The following NOP14 variants were observed in gnomAD, a reference collection of about 807,000 sequenced individuals.
NOP14 encodes NOP14 nucleolar protein, also known as nucleolar protein 14.
A neutral mutation model predicts 101.6 loss-of-function variants in NOP14; 57 were observed. That is an observed-to-expected ratio of 0.56 (90% CI 0.45 to 0.70). The LOEUF is 0.70. Ranked by LOEUF, NOP14 falls within the 30% of genes least tolerant of loss-of-function variation. The pLI is 0.00. For synonymous variants in NOP14, 428 were observed against 424.0 expected (o/e 1.01, Z -0.12); for missense variants, 1,134 against 1,075.5 (o/e 1.05, Z -0.76).
chr4:2,953,473 C>G, intron 5 of NOP14, 38 bp downstream of exon 5: 2 of 1,610,346 alleles, frequency 1.2e-6, no homozygotes, highest in Non-Finnish European at 1.7e-6. Context: ...CACCCAAGCT[C>G]AGTGAGTGAA....
At chr4:2,939,844 G>T (rs770019789) in intron 15 of NOP14, among the ~76,000 whole-genome samples, 199 bp from the exon 16 acceptor site, 16 of 152,190 alleles carry the variant, frequency 1.1e-4, no homozygotes, top group Non-Finnish European at 1.6e-4. Flanking sequence ...TGGCACAGCC[G>T]GAACGAAGTA....
intron 1 of NOP14, among the ~76,000 whole-genome samples, chr4:2,961,066 T>C (rs1374669634): frequency 8.5e-6 from 1 of 117,324 alleles, no homozygotes; most frequent in Non-Finnish European, 1.6e-5. Context: ...ATCAATATTA[T>C]ATTAATACTA....
chr4:2,960,797 T>TA, intron 1 of NOP14, among the ~76,000 whole-genome samples: 1 of 131,680 alleles, frequency 7.6e-6, no homozygotes, highest in African/African-American at 3.1e-5. Flanking sequence ...CACATTAATA[T>TA]TAATATATTA....
rs1286284244 is a variant in NOP14 at position 2,959,473 on chromosome 4, G to A, written c.196-1733C>T. Among the ~76,000 whole-genome samples the A allele has an allele frequency of 3.9e-5, 6 of 152,052 alleles. No homozygotes were observed. In the East Asian group the frequency reaches 5.8e-4, roughly 15 times the overall value. ...CCGGGTGTGGTGGCGGGCGCCTGTA[G>A]TCCCAGCTACTCAGGAGGCTGAGGC... On this transcript the variant is annotated intron_variant, in intron 1 of 17. Coordinates refer to ENST00000416614, the MANE Select transcript of NOP14 (RefSeq NM_001291978.2).
chr4:2,960,242 G>A (rs1206331560), intron 1 of NOP14, among the ~76,000 whole-genome samples: 4 of 152,010 alleles, frequency 2.6e-5, no homozygotes, highest in Non-Finnish European at 1.5e-5. Context: ...AAAGTGCTAG[G>A]ATCACAGGTG....
rs750896393 is a variant in NOP14 at position 2,949,945 on chromosome 4, T to C, written c.1271A>G (p.Tyr424Cys). ...AGKATRDELP[Y>C]TFAAPESYEE... The stretch of plus-strand genomic sequence containing the variant: ...GCGCACTTGCCCACCTGCGAACGTG[T>C]AGGGCAGCTCGTCTCTGGTAGCTTT... Residue 424 changes from tyrosine to cysteine, a missense_variant, in exon 8 of 18, where the codon TAC (tyrosine) becomes TGC (cysteine). Coordinates refer to ENST00000416614, the MANE Select transcript of NOP14 (RefSeq NM_001291978.2). 4 of 1,614,088 alleles carry C rather than the reference T, an allele frequency of 2.5e-6. No homozygotes were observed. The highest frequency in any genetic ancestry group is 3.4e-6 in the Non-Finnish European group (4 of 1,180,036).
intron 7 of NOP14, chr4:2,950,906 GCA>G: frequency 7.1e-5 from 35 of 491,006 alleles, no homozygotes; most frequent in South Asian, 1.7e-4. Flanking sequence ...GAGAGCGTGA[GCA>G]AGTGAGTGCA....
rs948517299 is a variant in NOP14 at position 2,939,290 on chromosome 4, C to T, written c.2372G>A (p.Arg791Lys). The T allele has an allele frequency of 3.7e-6, 6 of 1,613,940 alleles. No homozygotes were observed. Among genetic ancestry groups the T allele is most frequent in the African/African-American group, 2.7e-5 (2 of 74,944 alleles). ...GSSKEEQERK[R>K]LIHKHKREFK... ...TTCACGCTTGTGTTTGTGGATCAGC[C>T]TCTTCCTTTCCTGTTCCTCCTTACT... Residue 791 changes from arginine to lysine, a missense_variant, in exon 17 of 18, where the codon AGG becomes AAG. Transcript: ENST00000416614.
At chr4:2,959,838 T>C (rs1255717682) in intron 1 of NOP14, among the ~76,000 whole-genome samples, 1 of 152,196 alleles carries the variant, frequency 6.6e-6, no homozygotes, top group Non-Finnish European at 1.5e-5. Context: ...CAGAGCAAAA[T>C]TTTAAAACAA....
chr4:2,954,700 C>T, intron 3 of NOP14, 137 bp from the exon 4 acceptor site: 4 of 1,064,986 alleles, frequency 3.8e-6, no homozygotes, highest in South Asian at 3.3e-5. Flanking sequence ...TCACACGCAA[C>T]AGCCTGGCCT....
At chr4:2,940,123 C>T (rs951237694) in intron 15 of NOP14, among the ~76,000 whole-genome samples, 9 of 152,196 alleles carry the variant, frequency 5.9e-5, no homozygotes, top group Admixed American at 1.3e-4. Flanking sequence ...GGGTGCTAGG[C>T]GGGGCAGGGT....
At chr4:2,947,159 T>G in intron 10 of NOP14, 1 of 291,822 alleles carries the variant, frequency 3.4e-6, no homozygotes, top group South Asian at 4.4e-5. Context: ...CCAACTGGGT[T>G]TCACTGAAGG....
chr4:2,957,685 C>T lies in NOP14; in HGVS notation c.251G>A (p.Arg84Lys), dbSNP rs753239124. ...YKERDKSNVF[R>K]DKRFGEYNSN... Reference sequence around the variant, plus strand: ...GTTGTATTCTCCGAAGCGTTTATCTCTGAATACATTGGATTTATCCCTTTC... The same window carrying T: ...GTTGTATTCTCCGAAGCGTTTATCTTTGAATACATTGGATTTATCCCTTTC... The change falls in exon 2 of 18, where the codon AGA becomes AAA. Residue 84 changes from arginine (R) to lysine (K), a missense_variant. By Grantham distance (26) the Arg-to-Lys change is conservative. Transcript: ENST00000416614. The T allele has an allele frequency of 6.2e-7, 1 of 1,613,986 alleles. No individual in the cohort carries two copies.
chr4:2,959,400 G>A (rs1361093804), intron 1 of NOP14, among the ~76,000 whole-genome samples: 3 of 152,050 alleles, frequency 2.0e-5, no homozygotes, highest in African/African-American at 7.2e-5. Context: ...AGACCATCCT[G>A]GGTAACATGG....
Position 2,950,095 on chromosome 4 carries a change from T to C in NOP14, c.1121A>G (p.Asp374Gly), listed in dbSNP as rs199770168. Residue 374 changes from aspartate (D) to glycine (G), a missense_variant, in exon 8 of 18, where the codon GAC becomes GGC. Physicochemically the swap from Asp to Gly is moderately conservative, Grantham distance 94. Transcript: ENST00000416614. The stretch of plus-strand genomic sequence containing the variant: ...CAGGTCCAAGTGGCTATCTGGGCTG[T>C]CGCTCTCCTCTGTGTCCTCCCCGCC... ...SSGGEDTEES[D>G]SPDSHLDLES... 7.9e-5 allele frequency: 128 copies of C among 1,614,028 alleles called. No homozygotes were observed. The highest frequency in any genetic ancestry group is 1.0e-4 in the Non-Finnish European group (121 of 1,180,004).
chr4:2,959,341 C>A, intron 1 of NOP14, among the ~76,000 whole-genome samples: 1 of 152,180 alleles, frequency 6.6e-6, no homozygotes, highest in Non-Finnish European at 1.5e-5. Flanking sequence ...GCCTGTAATT[C>A]CAGCACTCTG....
chr4:2,948,420 A>G lies in NOP14; in HGVS notation c.1283-12T>C, dbSNP rs754582568. The G allele has an allele frequency of 1.3e-6, 2 of 1,596,934 alleles. No homozygotes were observed. Among genetic ancestry groups the G allele is most frequent in the South Asian group, 2.3e-5 (2 of 88,512 alleles). On this transcript the variant is annotated splice_polypyrimidine_tract_variant and intron_variant, in intron 8 of 17. Transcript: ENST00000416614. The stretch of plus-strand genomic sequence containing the variant: ...ATAGGATTCAGGGGCTATCAAAAAC[A>G]CAAAACATACTGCACATTTAACATT...
chr4:2,954,927 G>C (rs977325030), intron 3 of NOP14, among the ~76,000 whole-genome samples: 4 of 152,020 alleles, frequency 2.6e-5, no homozygotes, highest in African/African-American at 4.8e-5. Context: ...GGTGCAATCT[G>C]TGTCCCTCCC....
In NOP14 at chr4:2,941,982, T is replaced by G. The variant is rs893519624; in HGVS notation, c.2051+210A>C. The G allele has an allele frequency of 3.4e-5, 22 of 645,114 alleles. 1 individual carries two copies. The Admixed American group carries it at 4.9e-4, about 14-fold the overall frequency. The allele number at this position is 645,114 out of a possible 1,614,324, so 40.0% of individuals were successfully genotyped here. A position where few individuals can be genotyped will look rare whatever the true frequency, so the allele number is the denominator to read the frequency against. On this transcript the variant is annotated intron_variant, in intron 14 of 17. Coordinates refer to ENST00000416614, the MANE Select transcript of NOP14 (RefSeq NM_001291978.2). Reference sequence around the variant, plus strand: ...CGGCTCCATTTTTGGTTCCAAATTATGATTTGTGAAATCAAGCAAATGTAT... The same window carrying G: ...CGGCTCCATTTTTGGTTCCAAATTAGGATTTGTGAAATCAAGCAAATGTAT...
Sources: gnomAD v4.1 joint callset for allele counts (sites outside exome capture counted in the v4.1 genomes callset) on GRCh38, gnomAD v4.1.1 for gene constraint, MANE v1.5 for transcripts, NCBI Gene and HGNC (gene_info 2026-07-23, HGNC 2026-07-21) for gene names.